Variants in FRMPD4 observed in about 807,000 individuals in gnomAD.
FRMPD4 encodes FERM and PDZ domain-containing protein 4.
A neutral mutation model predicts 94.1 loss-of-function variants in FRMPD4; 22 were observed. The observed-to-expected ratio is 0.23, with a 90% CI of 0.17 to 0.33. The LOEUF (loss-of-function observed/expected upper bound fraction) is 0.33. Among genes scored for constraint, FRMPD4 ranks in the 10% least tolerant of loss-of-function variants. The pLI, the probability that FRMPD4 is intolerant of heterozygous loss-of-function variation, is 1.00. For synonymous variants in FRMPD4, 631 were observed against 548.6 expected (o/e 1.15, Z -2.10); for missense variants, 1,111 against 1,339.9 (o/e 0.83, Z 2.67).
At chrX:12,254,539 G>A (rs1404852856) in intron 1 of FRMPD4, among the ~76,000 whole-genome samples, 1 of 111,784 alleles carries the variant, frequency 8.9e-6, no homozygotes, top group East Asian at 2.8e-4. Flanking sequence ...CAGAAAGGCA[G>A]GCATGTATTA....
At chrX:12,072,129 T>A (rs937753842) in intron 3 of FRMPD4, among the ~76,000 whole-genome samples, 1 of 111,469 alleles carries the variant, frequency 9.0e-6, no homozygotes, top group Admixed American at 9.5e-5. Flanking sequence ...TAGCTGGGAC[T>A]ACAGGCATGT....
intron 16 of FRMPD4, among the ~76,000 whole-genome samples, chrX:12,719,978 A>AAAAG (rs1299926053): frequency 9.7e-6 from 1 of 103,095 alleles, no homozygotes; most frequent in Admixed American, 1.1e-4. Flanking sequence ...CCACTTCTTT[A>AAAAG]AAAGAAAGAA....
intron 1 of FRMPD4, among the ~76,000 whole-genome samples, chrX:12,357,426 G>C (rs1025791438): frequency 9.0e-6 from 1 of 111,685 alleles, no homozygotes; most frequent in South Asian, 3.8e-4. Context: ...TTGCAGATAA[G>C]TGTATAACTG....
rs953433433 is a variant in FRMPD4 at position 12,620,023 on chromosome X, T to A, written c.422+5142T>A. ...GGCCCCATAACCTGGCCCTAGCTCC[T>A]CTCAGCCATGGTCAGGGAGACAGGC... On this transcript the variant is annotated intron_variant, in intron 4 of 16. Transcript: ENST00000675598. 4.4e-5 allele frequency among the ~76,000 whole-genome samples: 5 copies of A among 112,407 alleles called. No individual in the cohort carries two copies. In the Admixed American group the frequency reaches 4.7e-4, roughly 10 times the overall value.
intron 1 of FRMPD4, among the ~76,000 whole-genome samples, chrX:12,183,626 T>C (rs1234157532): frequency 9.0e-6 from 1 of 111,561 alleles, no homozygotes; most frequent in Non-Finnish European, 1.9e-5. Context: ...ATGGATTTTG[T>C]CAGTTTACAG....
intron 1 of FRMPD4, among the ~76,000 whole-genome samples, chrX:12,488,886 CAG>C (rs1269589656): frequency 1.8e-5 from 2 of 111,876 alleles, no homozygotes; most frequent in Non-Finnish European, 3.8e-5. Context: ...CACTATAAAT[CAG>C]AGGTCAGCAA....
chrX:12,302,178 C>T lies in FRMPD4; in HGVS notation c.41+163166C>T, dbSNP rs778529820. Among the ~76,000 whole-genome samples, 3 of 111,579 alleles carry T rather than the reference C, an allele frequency of 2.7e-5. No individual in the cohort carries two copies. The East Asian group carries it at 8.5e-4, about 32-fold the overall frequency. ...CAAAATAACAGGAGTCTGCTATTTG[C>T]GAGGGGTCACCCTGCCCTGGGCTGG... On this transcript the variant is annotated intron_variant, in intron 1 of 16. Transcript: ENST00000675598.
chrX:11,922,702 G>T (rs949092797), intron 3 of FRMPD4, among the ~76,000 whole-genome samples: 1 of 112,743 alleles, frequency 8.9e-6, no homozygotes, highest in African/African-American at 3.2e-5. Flanking sequence ...AGGAAGAGCT[G>T]CTTAGAGAAG....
At chrX:12,329,951 TAAAG>T (rs1410914145) in intron 1 of FRMPD4, among the ~76,000 whole-genome samples, 4 of 110,135 alleles carry the variant, frequency 3.6e-5, no homozygotes, top group African/African-American at 1.3e-4. Context: ...CTTTCAGAGA[TAAAG>T]AAAGCTTTTT....
rs9803287 is a variant in FRMPD4 at position 12,331,692 on chromosome X, A to T, written c.42-166988A>T. On this transcript the variant is annotated intron_variant, in intron 1 of 16. Transcript: ENST00000675598. Reference sequence around the variant, plus strand: ...AATATATAAATTATATATTTATATAATATATAAATATATAATATATAATTT... The same window carrying T: ...AATATATAAATTATATATTTATATATTATATAAATATATAATATATAATTT... Among the ~76,000 whole-genome samples, 74 of 63,798 alleles carry T rather than the reference A, an allele frequency of 1.2e-3. 1 individual carries two copies. The highest frequency in any genetic ancestry group is 8.6e-3 in the Admixed American group (36 of 4,167). The allele number at this position is 63,798 out of a possible 115,157, so 55.4% of individuals were successfully genotyped here. A position where few individuals can be genotyped will look rare whatever the true frequency, so the allele number is the denominator to read the frequency against.
At chrX:12,689,365 T>A (rs2060059562) in intron 7 of FRMPD4, among the ~76,000 whole-genome samples, 1 of 111,972 alleles carries the variant, frequency 8.9e-6, no homozygotes, top group Admixed American at 9.5e-5. Flanking sequence ...TATGGTGCCC[T>A]CACTCTGTGC....
chrX:12,494,139 G>T (rs146977136), intron 1 of FRMPD4, among the ~76,000 whole-genome samples: 1,648 of 111,908 alleles, frequency 0.015, 26 homozygotes, highest in African/African-American at 0.049. Flanking sequence ...TATATACCAG[G>T]TACTATACTA....
intron 13 of FRMPD4, among the ~76,000 whole-genome samples, chrX:12,710,042 C>A (rs914461856): frequency 9.0e-6 from 1 of 111,246 alleles, no homozygotes; most frequent in Non-Finnish European, 1.9e-5. Context: ...GCATAAGAAT[C>A]GCTTAAACCC....
At chrX:12,345,288 C>T (rs2055688658) in intron 1 of FRMPD4, among the ~76,000 whole-genome samples, 1 of 111,096 alleles carries the variant, frequency 9.0e-6, no homozygotes, top group African/African-American at 3.3e-5. Flanking sequence ...CAGTCCCCTT[C>T]CTCCTGTAAT....
At chrX:12,551,238 C>T (rs992071938) in intron 2 of FRMPD4, among the ~76,000 whole-genome samples, 4 of 110,993 alleles carry the variant, frequency 3.6e-5, no homozygotes, top group Non-Finnish European at 7.6e-5. Flanking sequence ...CATGCAGTTT[C>T]GACAATTATT....
At position 12,193,837 on chromosome X, in the gene FRMPD4, A is replaced by AAG. The variant is rs1491504376; in HGVS notation, c.41+54825_41+54826insAG. Among the ~76,000 whole-genome samples the AAG allele has an allele frequency of 2.6e-4, 15 of 58,348 alleles. 2 individuals carry two copies. The highest frequency in any genetic ancestry group is 1.0e-3 in the African/African-American group (15 of 14,808). 50.7% of individuals were successfully genotyped at this position (58,348 alleles called of 115,157 possible). ...AAGGAAGGAAGGAAGGAGGGAAGGA[A>AAG]GAAAGAAAAGAAAGAAAAAGGAAGG... On this transcript the variant is annotated intron_variant, in intron 1 of 16. Transcript: ENST00000675598.
chrX:12,717,577 T>G lies in FRMPD4; in HGVS notation c.2751T>G (p.Thr917=). ...ATGAAACTAACTCTTCTGAAATGAC[T>G]GAGAGTTCTGAACTGGCCACAGCAC... The part of the protein sequence containing the change: ...SGNETNSSEM[T]ESSELATAQK... Residue 917 remains threonine (T), a synonymous_variant, in exon 16 of 17, where the codon ACT becomes ACG. Transcript: ENST00000675598. The G allele has an allele frequency of 8.3e-7, 1 of 1,199,011 alleles. No individual in the cohort carries two copies. Among genetic ancestry groups the G allele is most frequent in the Non-Finnish European group, 1.1e-6 (1 of 883,933 alleles).
intron 1 of FRMPD4, among the ~76,000 whole-genome samples, chrX:12,325,231 G>A (rs1708208948): frequency 1.8e-5 from 2 of 112,224 alleles, no homozygotes; most frequent in Admixed American, 9.4e-5. Flanking sequence ...AAAACGTAGA[G>A]TCTAAATTTT....
intron 1 of FRMPD4, among the ~76,000 whole-genome samples, chrX:12,495,897 A>G (rs2057843995): frequency 9.0e-6 from 1 of 111,556 alleles, no homozygotes; most frequent in African/African-American, 3.3e-5. Context: ...AAGTTCCTCC[A>G]TGGGGGATTC....
Sources: allele counts gnomAD v4.1 joint callset (sites outside exome capture counted in the v4.1 genomes callset), GRCh38; gene constraint gnomAD v4.1.1; transcripts MANE v1.5; gene names NCBI Gene and HGNC (gene_info 2026-07-23, HGNC 2026-07-21).